The following KIF26B variants were observed in gnomAD, a reference collection of about 807,000 sequenced individuals.
The protein encoded by KIF26B is kinesin family member 26B, also known as kinesin-like protein KIF26B.
Under a neutral mutation model 151.2 loss-of-function variants are expected in KIF26B, and 63 were observed. That is an observed-to-expected ratio of 0.42 (90% CI 0.34 to 0.51). KIF26B has a LOEUF of 0.51. KIF26B is among the 20% of genes least tolerant of loss of function. KIF26B has a pLI of 0.07. For synonymous variants in KIF26B, 1,357 were observed against 1,262.1 expected, an observed-to-expected ratio of 1.08 and a Z score of -1.59; for missense variants, 2,813 against 2,913.6, an observed-to-expected ratio of 0.97 and a Z score of 0.79.
rs2103115512 is a variant in KIF26B, at chr1:245,560,026, T to C, written c.1350+19076T>C. Among the ~76,000 whole-genome samples the C allele has an allele frequency of 6.6e-6, 1 of 152,130 alleles. No homozygotes were observed. The highest frequency in any genetic ancestry group is 1.5e-5 in the Non-Finnish European group (1 of 67,986). On this transcript the variant is annotated intron_variant, in intron 5 of 14. Coordinates refer to ENST00000407071, the MANE Select transcript of KIF26B (RefSeq NM_018012.4). The surrounding 1 kb of genome is among the most constrained non-coding windows in gnomAD (Gnocchi z 4.3). ...GCCAGGGATGCTCGTCTCTCATTCG[T>C]TTTTTTGGCGTGGAAACACGCTGCT... is the stretch of plus-strand genomic sequence containing the variant.
chr1:245,485,496 GC>G (rs1480237583), intron 4 of KIF26B, among the ~76,000 whole-genome samples: 1 of 150,086 alleles, frequency 6.7e-6, no homozygotes, highest in East Asian at 2.0e-4. Context: ...TGATTCTCCT[GC>G]CCCAGCCTCC....
At chr1:245,287,782 C>T (rs910824763) in intron 2 of KIF26B, among the ~76,000 whole-genome samples, 3 of 152,110 alleles carry the variant, frequency 2.0e-5, no homozygotes, top group Admixed American at 6.5e-5. Flanking sequence ...GGATTACAGG[C>T]GTGAGGCACC....
intron 5 of KIF26B, among the ~76,000 whole-genome samples, chr1:245,544,443 T>TCTGGACCACCACC (rs1378908505): frequency 6.6e-6 from 1 of 152,086 alleles, no homozygotes; most frequent in Non-Finnish European, 1.5e-5. Flanking sequence ...CCACTGCCCC[T>TCTGGACCACCACC]CAGCCTCAGC....
intron 4 of KIF26B, among the ~76,000 whole-genome samples, chr1:245,493,711 AG>A (rs1304780682): frequency 7.9e-5 from 12 of 152,226 alleles, no homozygotes; most frequent in African/African-American, 2.4e-4. Context: ...CTGAGATAGA[AG>A]GGAACTATAG....
chr1:245,238,409 G>A (rs1670153323), intron 2 of KIF26B, among the ~76,000 whole-genome samples: 1 of 152,172 alleles, frequency 6.6e-6, no homozygotes, highest in Non-Finnish European at 1.5e-5. Context: ...ATATAGAGCA[G>A]TGCTTCTCAA....
chr1:245,587,330 TAA>T lies in KIF26B; in HGVS notation c.1351-15245_1351-15244del, dbSNP rs796350516. The stretch of plus-strand genomic sequence containing the variant: ...GGTGTTTTTTTATTGTCTCACCTGA[TAA>T]ACCGTAAGCCCCTTGAAGACAGCAA... On this transcript the variant is annotated intron_variant, in intron 5 of 14. Transcript: ENST00000407071. Among the ~76,000 whole-genome samples the T allele has an allele frequency of 2.0e-5, 3 of 152,310 alleles. No homozygotes were observed. In the South Asian group the frequency reaches 6.2e-4, roughly 32 times the overall value.
intron 3 of KIF26B, among the ~76,000 whole-genome samples, chr1:245,399,059 A>G (rs1229714595): frequency 1.3e-5 from 2 of 152,116 alleles, no homozygotes; most frequent in African/African-American, 2.4e-5. Context: ...TCTATCATGC[A>G]TGTTCCAATT....
chr1:245,550,321 G>A (rs1661848692), intron 5 of KIF26B, among the ~76,000 whole-genome samples: 1 of 152,212 alleles, frequency 6.6e-6, no homozygotes, highest in African/African-American at 2.4e-5. Context: ...GGTAAAATTG[G>A]TCTGTTTTCC....
chr1:245,485,653 G>A (rs1660266473), intron 4 of KIF26B, among the ~76,000 whole-genome samples: 1 of 152,172 alleles, frequency 6.6e-6, no homozygotes, highest in Admixed American at 6.5e-5. Context: ...CAGAGTGCTG[G>A]GATTACAGGC....
At chr1:245,215,422 C>T (rs1187441681) in intron 2 of KIF26B, among the ~76,000 whole-genome samples, 1 of 152,164 alleles carries the variant, frequency 6.6e-6, no homozygotes, top group Non-Finnish European at 1.5e-5. Context: ...ACAGGCCTCT[C>T]TGAGACCAGG....
At chr1:245,446,580 A>G (rs772609446) in intron 4 of KIF26B, among the ~76,000 whole-genome samples, 2 of 152,206 alleles carry the variant, frequency 1.3e-5, no homozygotes, top group Non-Finnish European at 2.9e-5. Context: ...TTTAGCCCCC[A>G]AGGCCATCTC....
intron 5 of KIF26B, among the ~76,000 whole-genome samples, chr1:245,543,142 T>TC (rs1331594601): frequency 6.6e-6 from 1 of 152,130 alleles, no homozygotes; most frequent in East Asian, 1.9e-4. Flanking sequence ...CTCCGACCTC[T>TC]CCCCCTCTAT....
chr1:245,173,417 T>G (rs1668746889), intron 2 of KIF26B, among the ~76,000 whole-genome samples: 1 of 152,190 alleles, frequency 6.6e-6, no homozygotes, highest in Non-Finnish European at 1.5e-5. Context: ...AAATTGTATT[T>G]GACGGAAGTG....
At chr1:245,596,939 GAC>G (rs2043341044) in intron 5 of KIF26B, among the ~76,000 whole-genome samples, 2 of 152,120 alleles carry the variant, frequency 1.3e-5, no homozygotes, top group Admixed American at 6.5e-5. Flanking sequence ...TGTTTTATCA[GAC>G]ACTACGACCG....
At chr1:245,481,939 C>T (rs1335621446) in intron 4 of KIF26B, among the ~76,000 whole-genome samples, 1 of 151,520 alleles carries the variant, frequency 6.6e-6, no homozygotes, top group African/African-American at 2.4e-5. Context: ...CTCTTCTTGG[C>T]TCTGTGTGTA....
At chr1:245,173,971 C>T (rs2103523875) in intron 2 of KIF26B, among the ~76,000 whole-genome samples, 1 of 152,294 alleles carries the variant, frequency 6.6e-6, no homozygotes, top group South Asian at 2.1e-4. Flanking sequence ...ACGGGCAGGG[C>T]AGTCGTCATC....
rs1021618738 is a variant in KIF26B, at chr1:245,564,517, C to G, written c.1350+23567C>G. Among the ~76,000 whole-genome samples, 1 of 152,164 alleles carries G rather than the reference C, an allele frequency of 6.6e-6. No individual in the cohort carries two copies. Among genetic ancestry groups the G allele is most frequent in the African/African-American group, 2.4e-5 (1 of 41,422 alleles). ...GTGAAAGTTTTGGGTTAAACACTGTCTGCAGTAATTCAAAAGGATAAGAAG... is the reference window on the plus strand; with the variant it reads ...GTGAAAGTTTTGGGTTAAACACTGTGTGCAGTAATTCAAAAGGATAAGAAG... On this transcript the variant is annotated intron_variant, in intron 5 of 14. Transcript: ENST00000407071. This position sits in a 1 kb window ranked among gnomAD's most constrained non-coding sequence, Gnocchi z 4.6.
rs556105636 is a variant in KIF26B, at chr1:245,194,883, G to T, written c.465+38200G>T. Among the ~76,000 whole-genome samples, 10 of 152,012 alleles carry T rather than the reference G, an allele frequency of 6.6e-5. No homozygotes were observed. The South Asian group carries it at 8.3e-4, about 13-fold the overall frequency. On this transcript the variant is annotated intron_variant, in intron 2 of 14. Coordinates refer to ENST00000407071, the MANE Select transcript of KIF26B (RefSeq NM_018012.4). Reference sequence around the variant, plus strand: ...ACTCTGTGAAGTACATGTGTATGGGGGTGTGTGTGTGTAGGAGAGGGTTGA... The same window carrying T: ...ACTCTGTGAAGTACATGTGTATGGGTGTGTGTGTGTGTAGGAGAGGGTTGA...
intron 4 of KIF26B, among the ~76,000 whole-genome samples, chr1:245,439,357 A>AAAAAAG (rs1553274569): frequency 0.016 from 2,058 of 124,792 alleles, 32 homozygotes; most frequent in Non-Finnish European, 0.024. Flanking sequence ...AAAAAAAAAA[A>AAAAAAG]AAAAAAGAAA....
Sources: allele counts gnomAD v4.1 joint callset (sites outside exome capture counted in the v4.1 genomes callset), GRCh38; gene constraint gnomAD v4.1.1; non-coding constraint Gnocchi (gnomAD v3.1); transcripts MANE v1.5; gene names NCBI Gene and HGNC (gene_info 2026-07-23, HGNC 2026-07-21).